PKN2: variants seen among roughly 807,000 people sequenced by gnomAD.
PKN2 encodes serine/threonine-protein kinase N2.
In PKN2, 38 loss-of-function variants were observed where a neutral mutation model predicts 119.1. That is an observed-to-expected ratio of 0.32 (90% CI 0.25 to 0.42). PKN2 has a LOEUF of 0.42. PKN2 is among the 10% of genes least tolerant of loss of function. The probability of loss-of-function intolerance (pLI) is 1.00; values close to 1 mark genes in which losing one functional copy is unlikely to be tolerated. For missense variants in PKN2, 850 were observed against 1,165.1 expected (o/e 0.73, Z 3.94); for synonymous variants, 390 against 384.9 (o/e 1.01, Z -0.15).
chr1:88,807,723 G>A lies in PKN2; in HGVS notation c.2050G>A (p.Ala684Thr), dbSNP rs778702394. 7 of 1,603,150 alleles carry A rather than the reference G, an allele frequency of 4.4e-6. No homozygotes were observed. Among genetic ancestry groups the A allele is most frequent in the Non-Finnish European group, 6.0e-6 (7 of 1,173,996 alleles). The part of the protein sequence containing the change: ...AEYKNTNEMF[A>T]IKALKKGDIV... Reference sequence around the variant, plus strand: ...ATATAAAAACACAAATGAGATGTTTGCTATAAAAGCCTTAAAGAAAGGAGA... The same window carrying A: ...ATATAAAAACACAAATGAGATGTTTACTATAAAAGCCTTAAAGAAAGGAGA... Residue 684 changes from alanine to threonine, a missense_variant, in exon 15 of 22, where the codon GCT (alanine) becomes ACT (threonine). Physicochemically the swap from Ala to Thr is moderately conservative, Grantham distance 58. Transcript: ENST00000370521.
chr1:88,774,799 T>A (rs766903798), intron 6 of PKN2, among the ~76,000 whole-genome samples: 18 of 151,854 alleles, frequency 1.2e-4, no homozygotes, highest in Non-Finnish European at 2.4e-4. Flanking sequence ...ACCTCAAACA[T>A]CTGGGCTCAA....
At chr1:88,713,347 C>T (rs6700228) in intron 1 of PKN2, among the ~76,000 whole-genome samples, 10,184 of 152,148 alleles carry the variant, frequency 0.067, 695 homozygotes, top group African/African-American at 0.18. Context: ...TGAGGAATTG[C>T]CACTCTTCTC....
chr1:88,832,788 T>C lies in PKN2; in HGVS notation c.2607T>C (p.Ile869=). Residue 869 remains isoleucine, a synonymous_variant, in exon 20 of 22, where the codon ATT becomes ATC. Coordinates refer to ENST00000370521, the MANE Select transcript of PKN2 (RefSeq NM_006256.4). ...ATGAAGAGGAAGTTTTTGACAGTAT[T>C]GTAAATGATGAAGTAAGGTATCCAA... is the stretch of plus-strand genomic sequence containing the variant. The part of the protein sequence containing the change: ...GDDEEEVFDS[I]VNDEVRYPRF... 6.2e-7 allele frequency: 1 copy of C among 1,604,784 alleles called. No homozygotes were observed. The highest frequency in any genetic ancestry group is 8.5e-7 in the Non-Finnish European group (1 of 1,173,516).
At chr1:88,821,763 CT>C (rs962814627) in intron 16 of PKN2, among the ~76,000 whole-genome samples, 177 bp from the exon 17 acceptor site, 10 of 152,180 alleles carry the variant, frequency 6.6e-5, no homozygotes, top group Non-Finnish European at 1.2e-4. Context: ...CAAGACTGTA[CT>C]TTTCTCATTT....
chr1:88,824,266 CTTTGA>C, intron 17 of PKN2, 39 bp from the exon 18 acceptor site: 1 of 1,008,388 alleles, frequency 9.9e-7, no homozygotes. Context: ...CTACTGATTT[CTTTGA>C]TTTTTTTTTT....
chr1:88,780,139 T>A (rs114582090), intron 6 of PKN2, among the ~76,000 whole-genome samples: 1,898 of 152,304 alleles, frequency 0.012, 17 homozygotes, highest in Non-Finnish European at 0.019. Context: ...TGTGGTAGTT[T>A]CCAAACTGAT....
intron 1 of PKN2, among the ~76,000 whole-genome samples, chr1:88,732,789 GATAA>G (rs1668192951): frequency 1.3e-5 from 2 of 151,894 alleles, no homozygotes; most frequent in South Asian, 4.2e-4. Context: ...CTTGTAAGTG[GATAA>G]ATAAAATATA....
At chr1:88,819,652 T>C (rs1672162301) in intron 16 of PKN2, among the ~76,000 whole-genome samples, 1 of 152,168 alleles carries the variant, frequency 6.6e-6, no homozygotes, top group African/African-American at 2.4e-5. Context: ...GACCCAGCCA[T>C]CCCATTACTG....
chr1:88,729,915 GTCT>G (rs1165566388), intron 1 of PKN2, among the ~76,000 whole-genome samples: 2 of 151,962 alleles, frequency 1.3e-5, no homozygotes, highest in East Asian at 3.9e-4. Context: ...AAAAACCAAA[GTCT>G]TCTTTGGGAG....
intron 8 of PKN2, among the ~76,000 whole-genome samples, chr1:88,788,453 C>T (rs59870961): frequency 0.069 from 10,040 of 144,928 alleles, 675 homozygotes; most frequent in African/African-American, 0.18. Context: ...TTTTTTTTTT[C>T]TTCTTTCTTG....
chr1:88,829,004 C>T (rs1672619196), intron 19 of PKN2: 1 of 641,060 alleles, frequency 1.6e-6, no homozygotes, highest in South Asian at 1.5e-5. Flanking sequence ...CTTCGACTTC[C>T]TCCAGACTTC....
chr1:88,794,367 C>CAAAAA (rs61455908), intron 8 of PKN2, among the ~76,000 whole-genome samples: 3 of 117,386 alleles, frequency 2.6e-5, no homozygotes, highest in African/African-American at 6.1e-5. Context: ...AATTCTGTCT[C>CAAAAA]AAAAAAAAAA....
At chr1:88,808,451 G>T (rs563698850) in intron 15 of PKN2, among the ~76,000 whole-genome samples, 12 of 152,010 alleles carry the variant, frequency 7.9e-5, no homozygotes, top group South Asian at 4.2e-4. Context: ...GACTACAGAC[G>T]CATGCCACCA....
chr1:88,805,566 C>A lies in PKN2; in HGVS notation c.1571C>A (p.Ala524Asp). 6.2e-7 allele frequency: 1 copy of A among 1,613,892 alleles called. No homozygotes were observed. The highest frequency in any genetic ancestry group is 8.5e-7 in the Non-Finnish European group (1 of 1,179,864). Residue 524 changes from alanine (A) to aspartate (D), a missense_variant, in exon 11 of 22, where the codon GCT (alanine) becomes GAT (aspartate). Around this residue, in one of 9 missense-constraint regions of PKN2, gnomAD observed 216 missense variants for 252.8 expected, o/e 0.85. Coordinates refer to ENST00000370521, the MANE Select transcript of PKN2 (RefSeq NM_006256.4). ...IATWGRLVRR[A>D]IPTVNHSGTF... ...ACTTGGGGAAGGCTAGTAAGAAGAG[C>A]TATTCCTACAGTAAATCATTCTGGC...
intron 6 of PKN2, among the ~76,000 whole-genome samples, chr1:88,784,130 T>C (rs1367526957): frequency 3.5e-5 from 5 of 144,258 alleles, no homozygotes; most frequent in Non-Finnish European, 1.5e-5. Flanking sequence ...GAGATGCTGT[T>C]CCTTTTTTTT....
chr1:88,790,260 G>T (rs995002891), intron 8 of PKN2, among the ~76,000 whole-genome samples: 12 of 152,252 alleles, frequency 7.9e-5, no homozygotes, highest in South Asian at 4.1e-4. Flanking sequence ...CCTCATGCTG[G>T]TGAATCATAT....
At chr1:88,717,415 A>G (rs9729118) in intron 1 of PKN2, among the ~76,000 whole-genome samples, 16,883 of 151,736 alleles carry the variant, frequency 0.11, 1,885 homozygotes, top group African/African-American at 0.3. Context: ...CATTCTCCCC[A>G]TCACTTTCAG....
intron 6 of PKN2, among the ~76,000 whole-genome samples, chr1:88,776,516 G>C (rs1407558198): frequency 6.6e-6 from 1 of 151,840 alleles, no homozygotes; most frequent in Non-Finnish European, 1.5e-5. Flanking sequence ...GAGACGGGTG[G>C]ATCACTTGAG....
At chr1:88,687,355 T>C (rs1666143226) in intron 1 of PKN2, among the ~76,000 whole-genome samples, 1 of 152,220 alleles carries the variant, frequency 6.6e-6, no homozygotes, top group Non-Finnish European at 1.5e-5. Flanking sequence ...AAAAATCGGC[T>C]GTTTAAAATG....
Sources: allele counts gnomAD v4.1 joint callset (sites outside exome capture counted in the v4.1 genomes callset), GRCh38; gene constraint gnomAD v4.1.1; regional missense constraint gnomAD v4.1.1; transcripts MANE v1.5; gene names NCBI Gene and HGNC (gene_info 2026-07-23, HGNC 2026-07-21).